The following RASSF8 variants were observed in gnomAD, a reference collection of about 807,000 sequenced individuals.
RASSF8 encodes ras association domain-containing protein 8.
A neutral mutation model predicts 48.5 loss-of-function variants in RASSF8; 22 were observed. The observed-to-expected ratio is 0.45, with a 90% CI of 0.32 to 0.65. The LOEUF (loss-of-function observed/expected upper bound fraction) is 0.65, where lower values mean the gene tolerates loss of function less well. Ranked by LOEUF, RASSF8 falls within the 30% of genes least tolerant of loss-of-function variation. The pLI is 0.03. For missense variants in RASSF8, 418 were observed against 489.2 expected (o/e 0.85, Z 1.37); for synonymous variants, 127 against 171.5 (o/e 0.74, Z 2.03).
chr12:26,043,766 G>A (rs529576516), intron 2 of RASSF8, among the ~76,000 whole-genome samples: 1 of 152,196 alleles, frequency 6.6e-6, no homozygotes, highest in Non-Finnish European at 1.5e-5. Context: ...CGATTGCTAT[G>A]CACGGCAACG....
chr12:25,993,518 T>G (rs564078571), intron 1 of RASSF8, among the ~76,000 whole-genome samples: 5 of 152,220 alleles, frequency 3.3e-5, no homozygotes, highest in Non-Finnish European at 7.3e-5. Flanking sequence ...AGGCTAGACT[T>G]CAGACAGCTC....
intron 2 of RASSF8, among the ~76,000 whole-genome samples, chr12:26,019,597 GTGTGTGTCTGTGTGTGTC>G (rs952168105): frequency 5.6e-5 from 7 of 124,300 alleles, no homozygotes; most frequent in African/African-American, 2.2e-4. Context: ...GTGTGTGTGT[GTGTGTGTCTGTGTGTGTC>G]TGTGTGTATA....
chr12:26,003,318 T>C (rs1942306244), intron 2 of RASSF8, among the ~76,000 whole-genome samples: 1 of 152,254 alleles, frequency 6.6e-6, no homozygotes, highest in Non-Finnish European at 1.5e-5. Context: ...TTGATCATAA[T>C]GGATTATCTT....
At chr12:26,003,169 G>C (rs981596865) in intron 2 of RASSF8, among the ~76,000 whole-genome samples, 2 of 152,158 alleles carry the variant, frequency 1.3e-5, no homozygotes, top group African/African-American at 4.8e-5. Flanking sequence ...ATGAAGGGAT[G>C]TTGAATTTTA....
intron 2 of RASSF8, chr12:26,020,461 A>G (rs1177209763): frequency 6.6e-6 from 1 of 152,238 alleles, no homozygotes; most frequent in Non-Finnish European, 1.5e-5. Context: ...ACAAATGTAA[A>G]AATAGATTGT....
At chr12:25,969,791 C>T (rs1253754659) in intron 1 of RASSF8, among the ~76,000 whole-genome samples, 1 of 152,074 alleles carries the variant, frequency 6.6e-6, no homozygotes, top group Non-Finnish European at 1.5e-5. Context: ...TTGGTTGTTG[C>T]AGACTGGAGA....
At chr12:25,959,849 G>T (rs2136803957) in intron 1 of RASSF8, 1 of 152,302 alleles carries the variant, frequency 6.6e-6, no homozygotes, top group South Asian at 2.1e-4. Flanking sequence ...TAGCATCATA[G>T]AGCCGCCTGG....
intron 1 of RASSF8, among the ~76,000 whole-genome samples, chr12:25,967,579 T>C (rs1255897844): frequency 6.6e-6 from 1 of 152,160 alleles, no homozygotes; most frequent in Non-Finnish European, 1.5e-5. Context: ...CTTGAAGAAG[T>C]TGTGAGCCTT....
Position 26,071,138 on chromosome 12 carries a change from A to C in RASSF8, c.*2320A>C. ...GAAGCTGTACTTTTTAATTAGTTATATTACTTCTGGAAGCACATATCTAAG... is the reference window on the plus strand; with the variant it reads ...GAAGCTGTACTTTTTAATTAGTTATCTTACTTCTGGAAGCACATATCTAAG... On this transcript the variant is annotated 3_prime_UTR_variant, in exon 6 of 6. Coordinates refer to ENST00000689635, the MANE Select transcript of RASSF8 (RefSeq NM_001394098.1). 1.0e-6 allele frequency: 1 copy of C among 975,292 alleles called. No individual in the cohort carries two copies. The highest frequency in any genetic ancestry group is 1.2e-6 in the Non-Finnish European group (1 of 820,744). 60.4% of individuals were successfully genotyped at this position (975,292 alleles called of 1,614,324 possible).
intron 1 of RASSF8, among the ~76,000 whole-genome samples, chr12:25,969,631 G>C (rs1941438110): frequency 1.3e-5 from 2 of 152,076 alleles, no homozygotes; most frequent in African/African-American, 4.8e-5. Flanking sequence ...TCACATCCTG[G>C]GTATATTTTG....
At chr12:26,075,995 C>T (rs991625359), downstream of RASSF8, among the ~76,000 whole-genome samples, 3 of 152,076 alleles carry the variant, frequency 2.0e-5, no homozygotes, top group African/African-American at 4.8e-5. Context: ...CAGCCCATCT[C>T]GACAAGCTAA....
intron 5 of RASSF8, among the ~76,000 whole-genome samples, chr12:26,078,242 G>A (rs1030972570): frequency 6.6e-6 from 1 of 152,208 alleles, no homozygotes; most frequent in Non-Finnish European, 1.5e-5. Flanking sequence ...ATCTTCAATT[G>A]TGATTAGAAT....
chr12:26,006,133 G>A (rs1047661687), intron 2 of RASSF8, among the ~76,000 whole-genome samples: 1 of 152,144 alleles, frequency 6.6e-6, no homozygotes, highest in Non-Finnish European at 1.5e-5. Context: ...TACTCATATT[G>A]TAGGAAGGGC....
intron 2 of RASSF8, among the ~76,000 whole-genome samples, chr12:26,034,493 G>A (rs1943091840): frequency 6.6e-6 from 1 of 151,818 alleles, no homozygotes; most frequent in African/African-American, 2.4e-5. Context: ...GCCGCATGCA[G>A]CCCGCAGGCC....
chr12:25,959,153 GT>G lies in RASSF8; in HGVS notation c.-203+6del, dbSNP rs1285239119. On this transcript the variant is annotated splice_donor_region_variant and intron_variant, in intron 1 of 5. Transcript: ENST00000689635. The stretch of plus-strand genomic sequence containing the variant: ...GCGGCGCAGTTGCGAAACTGAGTAA[GT>G]ATTAACTTTACTTAGCGGCGGCGAT... The G allele has an allele frequency of 1.3e-5, 2 of 151,944 alleles. No individual in the cohort carries two copies. Among genetic ancestry groups the G allele is most frequent in the African/African-American group, 4.8e-5 (2 of 41,426 alleles). The allele number at this position is 151,944 out of a possible 1,614,324, so 9.4% of individuals were successfully genotyped here. A position where few individuals can be genotyped will look rare whatever the true frequency, so the allele number is the denominator to read the frequency against.
At chr12:26,016,407 G>A (rs1942651156) in intron 2 of RASSF8, among the ~76,000 whole-genome samples, 1 of 152,026 alleles carries the variant, frequency 6.6e-6, no homozygotes, top group Non-Finnish European at 1.5e-5. Flanking sequence ...ATCTTTAACT[G>A]TAGCCCTCAT....
intron 2 of RASSF8, among the ~76,000 whole-genome samples, chr12:26,028,694 T>C (rs901019157): frequency 1.3e-5 from 2 of 152,156 alleles, no homozygotes; most frequent in Admixed American, 1.3e-4. Flanking sequence ...TTGTATTATA[T>C]GTAAGGAGGG....
chr12:26,057,522 T>G (rs1279049658), intron 3 of RASSF8, among the ~76,000 whole-genome samples: 4 of 152,234 alleles, frequency 2.6e-5, no homozygotes, highest in Non-Finnish European at 5.9e-5. Context: ...TAATCCAGTC[T>G]ATCATTGATG....
intron 1 of RASSF8, among the ~76,000 whole-genome samples, chr12:25,990,100 A>G (rs1296513012): frequency 1.3e-5 from 2 of 152,172 alleles, no homozygotes; most frequent in African/African-American, 4.8e-5. Flanking sequence ...TAAAGCAAGG[A>G]AATGCATCCT....
Sources: gnomAD v4.1 joint callset for allele counts (sites outside exome capture counted in the v4.1 genomes callset) on GRCh38, gnomAD v4.1.1 for gene constraint, MANE v1.5 for transcripts, NCBI Gene and HGNC (gene_info 2026-07-23, HGNC 2026-07-21) for gene names.